KCNIP4: variants seen among roughly 807,000 people sequenced by gnomAD.
KCNIP4 encodes the protein Kv channel-interacting protein 4.
Under a neutral mutation model 34.0 loss-of-function variants are expected in KCNIP4, and 12 were observed. The observed-to-expected ratio is 0.35, with a 90% CI of 0.23 to 0.57. The LOEUF is 0.57. KCNIP4 is among the 20% of genes least tolerant of loss of function. The probability of loss-of-function intolerance (pLI) is 0.83; values close to 1 mark genes in which losing one functional copy is unlikely to be tolerated. For synonymous variants in KCNIP4, 124 were observed against 102.2 expected, an observed-to-expected ratio of 1.21 and a Z score of -1.29; for missense variants, 238 against 311.7, an observed-to-expected ratio of 0.76 and a Z score of 1.78.
chr4:21,438,096 G>A (rs1182010195), intron 1 of KCNIP4, among the ~76,000 whole-genome samples: 2 of 152,068 alleles, frequency 1.3e-5, no homozygotes, highest in Non-Finnish European at 2.9e-5. Flanking sequence ...TTTTCAAAGC[G>A]TGTGTTCATT....
chr4:21,835,750 T>A (rs2323128), intron 1 of KCNIP4, among the ~76,000 whole-genome samples: 115,569 of 152,046 alleles, frequency 0.76, 47,160 homozygotes, highest in East Asian at 0.9. Context: ...CATGAGAATG[T>A]TTTCTACTGT....
chr4:21,669,353 C>T (rs573252405), intron 1 of KCNIP4, among the ~76,000 whole-genome samples: 1 of 152,332 alleles, frequency 6.6e-6, no homozygotes, highest in East Asian at 1.9e-4. Flanking sequence ...CTGGCCTTGG[C>T]CTCCCAAAGT....
chr4:20,953,379 T>C (rs570607156), intron 1 of KCNIP4, among the ~76,000 whole-genome samples: 57 of 152,234 alleles, frequency 3.7e-4, no homozygotes, highest in African/African-American at 1.2e-3. Context: ...GTGCATAATA[T>C]TCAATAAATG....
At chr4:20,827,492 C>T (rs2149452781) in intron 3 of KCNIP4, among the ~76,000 whole-genome samples, 1 of 152,202 alleles carries the variant, frequency 6.6e-6, no homozygotes, top group African/African-American at 2.4e-5. Context: ...CCTTATTTAA[C>T]TTAAATGTCT....
At chr4:20,872,836 A>G (rs762642487) in intron 2 of KCNIP4, among the ~76,000 whole-genome samples, 3 of 152,178 alleles carry the variant, frequency 2.0e-5, no homozygotes, top group Non-Finnish European at 4.4e-5. Flanking sequence ...CCTGAAAAAA[A>G]CAAAAGATGC....
At chr4:21,259,654 A>G (rs1479271206) in intron 1 of KCNIP4, among the ~76,000 whole-genome samples, 1 of 152,196 alleles carries the variant, frequency 6.6e-6, no homozygotes, top group Non-Finnish European at 1.5e-5. Flanking sequence ...AGCAATGAAG[A>G]AAAGCATTAC....
intron 1 of KCNIP4, among the ~76,000 whole-genome samples, chr4:21,549,358 G>T (rs1738377132): frequency 6.6e-6 from 1 of 151,828 alleles, no homozygotes; most frequent in South Asian, 2.1e-4. Flanking sequence ...GAGGGGTTTT[G>T]GTCATGGGGT....
chr4:20,936,101 A>C (rs1731029681), intron 1 of KCNIP4, among the ~76,000 whole-genome samples: 1 of 152,158 alleles, frequency 6.6e-6, no homozygotes, highest in South Asian at 2.1e-4. Context: ...TTTAACTTAC[A>C]AATTGGAGTT....
intron 1 of KCNIP4, among the ~76,000 whole-genome samples, chr4:21,014,869 T>C (rs1471736507): frequency 6.6e-6 from 1 of 152,144 alleles, no homozygotes; most frequent in Non-Finnish European, 1.5e-5. Flanking sequence ...CCAATGTCCA[T>C]TGATGGATGA....
intron 1 of KCNIP4, among the ~76,000 whole-genome samples, chr4:21,114,690 C>T (rs909623798): frequency 6.6e-6 from 1 of 152,098 alleles, no homozygotes; most frequent in African/African-American, 2.4e-5. Flanking sequence ...CTACTCAGTA[C>T]TTTATTATAA....
At chr4:21,544,858 C>T (rs946198242) in intron 1 of KCNIP4, among the ~76,000 whole-genome samples, 7 of 151,050 alleles carry the variant, frequency 4.6e-5, no homozygotes, top group Admixed American at 4.6e-4. Context: ...AATAAACTTG[C>T]TTCAAATCTT....
chr4:20,741,618 G>A (rs558099349), intron 5 of KCNIP4, among the ~76,000 whole-genome samples: 22 of 152,258 alleles, frequency 1.4e-4, no homozygotes, highest in Non-Finnish European at 3.2e-4. Context: ...GAGAAAGCAG[G>A]AAAGATCTAA....
chr4:21,809,961 T>C (rs1373986173), intron 1 of KCNIP4, among the ~76,000 whole-genome samples: 6 of 152,174 alleles, frequency 3.9e-5, no homozygotes, highest in Non-Finnish European at 1.5e-5. Flanking sequence ...TGTAATTGCC[T>C]CCTATGCTTA....
At chr4:21,451,514 A>T (rs1419948581) in intron 1 of KCNIP4, among the ~76,000 whole-genome samples, 1 of 152,208 alleles carries the variant, frequency 6.6e-6, no homozygotes, top group African/African-American at 2.4e-5. Context: ...GTAAAATAGA[A>T]ATGAAAAAAT....
chr4:21,143,425 A>G (rs573500975), intron 1 of KCNIP4, among the ~76,000 whole-genome samples: 1 of 152,326 alleles, frequency 6.6e-6, no homozygotes, highest in East Asian at 1.9e-4. Context: ...CTACAACCAC[A>G]TGGAACTGAA....
At chr4:21,157,144 C>G (rs1753198234) in intron 1 of KCNIP4, among the ~76,000 whole-genome samples, 1 of 152,034 alleles carries the variant, frequency 6.6e-6, no homozygotes, top group Non-Finnish European at 1.5e-5. Flanking sequence ...ACATCACCAG[C>G]TTTTTAGGAT....
At chr4:21,489,207 C>T (rs964323915) in intron 1 of KCNIP4, among the ~76,000 whole-genome samples, 7 of 151,398 alleles carry the variant, frequency 4.6e-5, no homozygotes, top group African/African-American at 1.7e-4. Flanking sequence ...TCATCAGCAC[C>T]TAGCACTGTG....
At chr4:21,466,816 C>T (rs1471109900) in intron 1 of KCNIP4, among the ~76,000 whole-genome samples, 3 of 151,998 alleles carry the variant, frequency 2.0e-5, no homozygotes, top group Admixed American at 2.0e-4. Context: ...CTCATCCCCA[C>T]CCTACAATCG....
intron 1 of KCNIP4, among the ~76,000 whole-genome samples, chr4:21,485,962 A>AGCTCACCAG (rs71191510): frequency 0.12 from 18,963 of 152,054 alleles, 1,327 homozygotes; most frequent in South Asian, 0.22. Context: ...TGCTTCCCAC[A>AGCTCACCAG]GCCTGGGATT....
Sources: allele counts gnomAD v4.1 joint callset (sites outside exome capture counted in the v4.1 genomes callset), GRCh38; gene constraint gnomAD v4.1.1; transcripts MANE v1.5; gene names NCBI Gene and HGNC (gene_info 2026-07-23, HGNC 2026-07-21).